The following DNAH17 variants were observed in gnomAD, a reference collection of about 807,000 sequenced individuals.
The protein encoded by DNAH17 is dynein axonemal heavy chain 17.
In DNAH17, 376 loss-of-function variants were observed where a neutral mutation model predicts 485.6. The ratio of observed to expected loss-of-function variants is 0.77; its 90% CI spans 0.71 to 0.84. The LOEUF (loss-of-function observed/expected upper bound fraction) is 0.84. Ranked by LOEUF, DNAH17 falls within the 40% of genes least tolerant of loss-of-function variation. The pLI, the probability that DNAH17 is intolerant of heterozygous loss-of-function variation, is 0.00. For synonymous variants in DNAH17, 3,031 were observed against 2,405.9 expected (o/e 1.26, Z -7.60); for missense variants, 6,370 against 5,839.3 (o/e 1.09, Z -2.96).
In DNAH17 at chr17:78,499,209, C is replaced by T; in HGVS notation, c.5641-97G>A. On this transcript the variant is annotated intron_variant, in intron 36 of 80. Coordinates refer to ENST00000389840, the MANE Select transcript of DNAH17 (RefSeq NM_173628.4). The stretch of plus-strand genomic sequence containing the variant: ...CCCTGCCTCTTCGGCTGTGTTTTCT[C>T]TTCCCAAAGCTTGCTCAGGCCCCGG... 2 of 887,516 alleles carry T rather than the reference C, an allele frequency of 2.3e-6. 1 individual carries two copies. Among genetic ancestry groups the T allele is most frequent in the Non-Finnish European group, 3.3e-6 (2 of 607,752 alleles). 55.0% of individuals were successfully genotyped at this position (887,516 alleles called of 1,614,324 possible).
intron 19 of DNAH17, 132 bp from the exon 20 acceptor site, chr17:78,532,868 C>CT (rs2091278846): frequency 2.7e-6 from 3 of 1,119,670 alleles, no homozygotes; most frequent in Admixed American, 5.7e-5. Flanking sequence ...ATGACCTGCT[C>CT]TTTTTCCAGC....
chr17:78,552,800 CTT>C lies in DNAH17; in HGVS notation c.2182_2183del (p.Lys728AspfsTer19), dbSNP rs756041139. On this transcript the variant is annotated frameshift_variant, in exon 15 of 81. Transcript: ENST00000389840. LOFTEE classifies it high-confidence loss of function. ...GAAATTCTACTGCCTTCACTATAGT[CTT>C]TATCTGAAAAACAGAGGTGACAGGT... ...ELIVGWYNEIKTIVKAVEFLL... is the reference protein window; with the variant it reads ...ELIVGWYNEIXTIVKAVEFLL... 257 of 1,607,540 alleles carry C rather than the reference CTT, an allele frequency of 1.6e-4. No homozygotes were observed. The highest frequency in any genetic ancestry group is 1.9e-4 in the Non-Finnish European group (227 of 1,174,218).
rs2091902722 is a variant in DNAH17 at position 78,551,579 on chromosome 17, G to A, written c.2347C>T (p.Gln783Ter). ...EILHNLQNRM[Q>*]KAKQNIEGIS... is the part of the protein sequence containing the mutation. ...CCTTCTATATTTTGTTTTGCCTTTT[G>A]CATCCTGTTCTGCAAGTTGTGCAGA... is the stretch of plus-strand genomic sequence containing the variant. Residue 783 changes from glutamine (Q) to a stop codon, truncating the protein, a stop_gained, in exon 16 of 81, where the codon CAA becomes TAA. Coordinates refer to ENST00000389840, the MANE Select transcript of DNAH17 (RefSeq NM_173628.4). LOFTEE classifies it high-confidence loss of function. The A allele has an allele frequency of 3.7e-6, 6 of 1,613,818 alleles. No homozygotes were observed. Among genetic ancestry groups the A allele is most frequent in the Middle Eastern group, 1.6e-4 (1 of 6,084 alleles).
chr17:78,444,598 A>G lies in DNAH17; in HGVS notation c.11528+6T>C. On this transcript the variant is annotated splice_donor_region_variant and intron_variant, in intron 71 of 80. Transcript: ENST00000389840. The stretch of plus-strand genomic sequence containing the variant: ...GGCGGGGCCCCCGGCGCGGCGGGAC[A>G]CTCACTTGATAGCGTAGGTCATGCG... The G allele has an allele frequency of 6.5e-7, 1 of 1,548,894 alleles. No individual in the cohort carries two copies. The highest frequency in any genetic ancestry group is 8.7e-7 in the Non-Finnish European group (1 of 1,148,514).
Position 78,476,656 on chromosome 17 carries a change from T to C in DNAH17, c.8070A>G (p.Arg2690=), listed in dbSNP as rs1286738250. The change falls in exon 52 of 81, where the codon CGA becomes CGG. Residue 2690 remains arginine (R), a synonymous_variant. Transcript: ENST00000389840. The part of the protein sequence containing the change: ...LVRLWLHETE[R]VYGDKMVDEK... ...CGTCAACCATTTTGTCACCATACAC[T>C]CGTTCAGTCTCATGTAGCCAAAGGC... The C allele has an allele frequency of 6.2e-7, 1 of 1,612,900 alleles. No individual in the cohort carries two copies. The highest frequency in any genetic ancestry group is 1.1e-5 in the South Asian group (1 of 90,752).
chr17:78,539,661 A>G (rs375592284), intron 18 of DNAH17, 76 bp downstream of exon 18: 27 of 1,265,584 alleles, frequency 2.1e-5, no homozygotes, highest in East Asian at 1.4e-4. Flanking sequence ...CCTGTTCATC[A>G]AGAAACTAGA....
intron 43 of DNAH17, among the ~76,000 whole-genome samples, chr17:78,491,215 G>A (rs2089837045): frequency 6.6e-6 from 1 of 152,192 alleles, no homozygotes; most frequent in African/African-American, 2.4e-5. Context: ...CCTTTACTCT[G>A]AACCCATCCT....
chr17:78,566,859 GC>G (rs2092275642), intron 10 of DNAH17, 129 bp from the exon 11 acceptor site: 2 of 1,299,946 alleles, frequency 1.5e-6, no homozygotes, highest in Non-Finnish European at 2.1e-6. Flanking sequence ...TGCGGGGACC[GC>G]TCTACACAGT....
Position 78,494,936 on chromosome 17 carries a change from C to T in DNAH17, c.6042+23G>A, listed in dbSNP as rs571971666. 1.5e-5 allele frequency: 24 copies of T among 1,600,720 alleles called. 1 individual carries two copies. Among genetic ancestry groups the T allele is most frequent in the Middle Eastern group, 1.7e-4 (1 of 6,052 alleles). On this transcript the variant is annotated intron_variant, in intron 39 of 80. Transcript: ENST00000389840. ...ATCTCAAACTCCCACCCACACCCGC[C>T]GTGAGCTCCAGGACACACACACCTG...
At chr17:78,493,114 G>A (rs935606776) in intron 41 of DNAH17, 11 of 193,322 alleles carry the variant, frequency 5.7e-5, no homozygotes, top group Non-Finnish European at 7.5e-5. Flanking sequence ...GCCTCCCAAA[G>A]TGCTGGGATT....
intron 75 of DNAH17, among the ~76,000 whole-genome samples, chr17:78,429,587 A>G (rs1268753607): frequency 1.3e-5 from 2 of 152,154 alleles, no homozygotes; most frequent in Non-Finnish European, 2.9e-5. Context: ...CACAGCCGGC[A>G]TGCTCTGCAC....
Position 78,539,747 on chromosome 17 carries a change from A to G in DNAH17, c.2666T>C (p.Met889Thr). The G allele has an allele frequency of 1.2e-6, 2 of 1,610,600 alleles. No homozygotes were observed. Among genetic ancestry groups the G allele is most frequent in the Non-Finnish European group, 1.7e-6 (2 of 1,178,938 alleles). ...RKSLSFLMDNMVIDESIAPLF... is the reference protein window; with the variant it reads ...RKSLSFLMDNTVIDESIAPLF... ...ATGTTGATAACTTACATCTATAACC[A>G]TGTTGTCCATTAGGAAACTCAGAGA... The change falls in exon 18 of 81, where the codon ATG becomes ACG. Residue 889 changes from methionine to threonine, a missense_variant. By Grantham distance (81) the Met-to-Thr change is moderately conservative. Transcript: ENST00000389840.
intron 75 of DNAH17, among the ~76,000 whole-genome samples, 174 bp from the exon 76 acceptor site, chr17:78,429,474 C>T (rs1408216131): frequency 6.6e-6 from 1 of 152,206 alleles, no homozygotes; most frequent in Non-Finnish European, 1.5e-5. Flanking sequence ...GCCCCAGGGC[C>T]ACCTTTCTTT....
At chr17:78,450,006 C>A in intron 68 of DNAH17, 1 of 548,134 alleles carries the variant, frequency 1.8e-6, no homozygotes, top group Non-Finnish European at 3.3e-6. Context: ...GTTGTGAGTG[C>A]CTGGAGGCAC....
rs746959699 is a variant in DNAH17, at chr17:78,426,946, CCTT to C, written c.12748_12750del (p.Lys4250del). 6.2e-7 allele frequency: 1 copy of C among 1,607,686 alleles called. No homozygotes were observed. The highest frequency in any genetic ancestry group is 1.1e-5 in the South Asian group (1 of 89,696). ...TTTACCTTCAGCCCCAGGTTCAGCT[CCTT>C]GAGCGAACGGCGCATTTCGTTGGTC... On this transcript the variant is annotated inframe_deletion, in exon 78 of 81. Coordinates refer to ENST00000389840, the MANE Select transcript of DNAH17 (RefSeq NM_173628.4).
At chr17:78,456,846 G>A (rs1465320931) in intron 62 of DNAH17, among the ~76,000 whole-genome samples, 1 of 152,034 alleles carries the variant, frequency 6.6e-6, no homozygotes, top group Non-Finnish European at 1.5e-5. Flanking sequence ...GCAGCCTGGG[G>A]CACTCACAGC....
chr17:78,551,748 G>C, intron 15 of DNAH17, 110 bp from the exon 16 acceptor site: 1 of 1,019,240 alleles, frequency 9.8e-7, no homozygotes, highest in Non-Finnish European at 1.5e-6. Flanking sequence ...CGAATCACGA[G>C]GTCGGGAGTT....
chr17:78,521,879 C>T (rs1331977640), intron 25 of DNAH17, among the ~76,000 whole-genome samples: 3 of 151,968 alleles, frequency 2.0e-5, no homozygotes, highest in Non-Finnish European at 4.4e-5. Context: ...CCCAGCTGCT[C>T]GGGAGGCTGA....
rs571549511 is a variant in DNAH17 at position 78,529,283 on chromosome 17, C to A, written c.3507+189G>T. ...GGGAGCACTGGCCTCACCGTGGAGG[C>A]AGTCCCCAGGGTCTCCTGTCCCCCA... is the stretch of plus-strand genomic sequence containing the variant. On this transcript the variant is annotated intron_variant, in intron 22 of 80. Coordinates refer to ENST00000389840, the MANE Select transcript of DNAH17 (RefSeq NM_173628.4). 5.9e-5 allele frequency among the ~76,000 whole-genome samples: 9 copies of A among 152,312 alleles called. No individual in the cohort carries two copies. In the South Asian group the frequency reaches 1.9e-3, roughly 32 times the overall value.
Sources: allele counts gnomAD v4.1 joint callset (sites outside exome capture counted in the v4.1 genomes callset), GRCh38; gene constraint gnomAD v4.1.1; transcripts MANE v1.5; gene names NCBI Gene and HGNC (gene_info 2026-07-23, HGNC 2026-07-21).